NCAM2: variants seen among roughly 807,000 people sequenced by gnomAD.
NCAM2 encodes the protein N-CAM-2.
In NCAM2, 30 loss-of-function variants were observed where a neutral mutation model predicts 98.1. The ratio of observed to expected loss-of-function variants is 0.31; its 90% CI spans 0.23 to 0.41. The LOEUF (loss-of-function observed/expected upper bound fraction) is 0.41. NCAM2 is among the 10% of genes least tolerant of loss of function. The pLI, the probability that NCAM2 is intolerant of heterozygous loss-of-function variation, is 1.00. For missense variants in NCAM2, 867 were observed against 1,005.8 expected (o/e 0.86, Z 1.87); for synonymous variants, 368 against 342.4 (o/e 1.07, Z -0.83).
At chr21:21,076,127 A>T (rs2065676462) in intron 1 of NCAM2, among the ~76,000 whole-genome samples, 2 of 151,900 alleles carry the variant, frequency 1.3e-5, no homozygotes, top group Non-Finnish European at 2.9e-5. Flanking sequence ...AAAAAAAAAA[A>T]AAAGAATATG....
chr21:21,396,130 T>A lies in NCAM2; in HGVS notation c.1196-14144T>A, dbSNP rs1414152603. Among the ~76,000 whole-genome samples, 3 of 141,364 alleles carry A rather than the reference T, an allele frequency of 2.1e-5. 1 individual carries two copies. Among genetic ancestry groups the A allele is most frequent in the South Asian group, 4.7e-4 (2 of 4,238 alleles). The allele number at this position is 141,364 out of a possible 152,430, so 92.7% of individuals were successfully genotyped here. The stretch of plus-strand genomic sequence containing the variant: ...CTGTGCATCCGACAAAGGACTAATA[T>A]CAAGAATCTACAAGGAACCCAAATC... On this transcript the variant is annotated intron_variant, in intron 9 of 17. Transcript: ENST00000400546.
chr21:21,112,950 C>T (rs1018140934), intron 1 of NCAM2, among the ~76,000 whole-genome samples: 4 of 152,138 alleles, frequency 2.6e-5, no homozygotes, highest in African/African-American at 4.8e-5. Context: ...TGATGCTGAA[C>T]GTGGGGTGCA....
chr21:21,225,212 C>T (rs927156416), intron 1 of NCAM2, among the ~76,000 whole-genome samples: 2 of 152,016 alleles, frequency 1.3e-5, no homozygotes, highest in Non-Finnish European at 2.9e-5. Flanking sequence ...ACAATGAGAA[C>T]ACGTTGACAC....
intron 5 of NCAM2, among the ~76,000 whole-genome samples, chr21:21,318,151 A>T (rs2074272886): frequency 6.6e-6 from 1 of 152,178 alleles, no homozygotes; most frequent in South Asian, 2.1e-4. Flanking sequence ...AGGTTTCTTG[A>T]AATACTCTGA....
rs2075976235 is a variant in NCAM2 at position 21,373,923 on chromosome 21, G to A, written c.1105G>A (p.Asp369Asn). Residue 369 changes from aspartate (D) to asparagine (N), a missense_variant, in exon 9 of 18, where the codon GAT (aspartate) becomes AAT (asparagine). Asp to Asn is a conservative substitution (Grantham distance 23). This residue lies in a region of NCAM2 where 447 missense variants were observed against 495.7 expected (regional missense o/e 0.90). Transcript: ENST00000400546. Reference protein sequence around the residue: ...QHGSSSLHIKDVKLSDSGRYD... With the variant: ...QHGSSSLHIKNVKLSDSGRYD... ...TGGAAGCTCATCACTGCATATTAAA[G>A]ATGTGAAGTTGTCAGATTCAGGGAG... 2 of 1,611,154 alleles carry A rather than the reference G, an allele frequency of 1.2e-6. No individual in the cohort carries two copies. Among genetic ancestry groups the A allele is most frequent in the African/African-American group, 1.3e-5 (1 of 74,604 alleles).
chr21:21,229,510 A>G (rs762437868), intron 1 of NCAM2, among the ~76,000 whole-genome samples: 1 of 151,544 alleles, frequency 6.6e-6, no homozygotes. Context: ...ACATTTATTT[A>G]ATCTTCATAC....
chr21:21,153,624 A>G (rs1437847374), intron 1 of NCAM2, among the ~76,000 whole-genome samples: 1 of 151,876 alleles, frequency 6.6e-6, no homozygotes. Context: ...TTGGAATGGG[A>G]GGGAGCCACA....
chr21:21,243,610 T>C (rs894740743), intron 1 of NCAM2, among the ~76,000 whole-genome samples: 2 of 152,174 alleles, frequency 1.3e-5, no homozygotes, highest in Admixed American at 1.3e-4. Context: ...GTTGTGCCCA[T>C]GGTGGCATGC....
At chr21:21,362,139 C>A (rs1171995963) in intron 8 of NCAM2, among the ~76,000 whole-genome samples, 1 of 151,754 alleles carries the variant, frequency 6.6e-6, no homozygotes, top group Non-Finnish European at 1.5e-5. Flanking sequence ...GGATGGGTTA[C>A]AGACCAGCGT....
In NCAM2 at chr21:21,049,162, GGCGCCCGCCACC is replaced by G. The variant is rs2065057771; in HGVS notation, c.55+50552_55+50563del. Among the ~76,000 whole-genome samples the G allele has an allele frequency of 2.1e-5, 3 of 144,056 alleles. No homozygotes were observed. In the Admixed American group the frequency reaches 2.1e-4, roughly 10 times the overall value. The allele number at this position is 144,056 out of a possible 152,430, so 94.5% of individuals were successfully genotyped here. A position where few individuals can be genotyped will look rare whatever the true frequency, so the allele number is the denominator to read the frequency against. ...GCCTCCCGAGTAGGCTGGGACTACA[GGCGCCCGCCACC>G]GCGCCCGGCTAATTTTTTGTATTTT... On this transcript the variant is annotated intron_variant, in intron 1 of 17. Transcript: ENST00000400546.
At chr21:21,256,559 A>C (rs1299266729) in intron 1 of NCAM2, among the ~76,000 whole-genome samples, 1 of 152,118 alleles carries the variant, frequency 6.6e-6, no homozygotes, top group Non-Finnish European at 1.5e-5. Flanking sequence ...AGTCTTCCAC[A>C]CTCAGATTCT....
intron 9 of NCAM2, among the ~76,000 whole-genome samples, chr21:21,403,443 G>T (rs181832478): frequency 6.6e-6 from 1 of 152,130 alleles, no homozygotes; most frequent in African/African-American, 2.4e-5. Context: ...TCCCAGAGCT[G>T]CAGATGGAAA....
intron 9 of NCAM2, among the ~76,000 whole-genome samples, chr21:21,397,917 T>G (rs1185716033): frequency 6.6e-6 from 1 of 152,236 alleles, no homozygotes; most frequent in Admixed American, 6.5e-5. Flanking sequence ...GATCCACTAT[T>G]TTTCCAACAA....
chr21:21,096,801 G>A (rs2066134441), intron 1 of NCAM2, among the ~76,000 whole-genome samples: 1 of 151,432 alleles, frequency 6.6e-6, no homozygotes, highest in African/African-American at 2.4e-5. Flanking sequence ...GTCTTTATTT[G>A]CAAGTGTTTA....
intron 1 of NCAM2, among the ~76,000 whole-genome samples, chr21:21,064,273 A>G (rs1207706058): frequency 6.6e-6 from 1 of 152,178 alleles, no homozygotes; most frequent in African/African-American, 2.4e-5. Flanking sequence ...TTTAGAGTAT[A>G]ATAAAAGGAG....
At chr21:21,512,042 T>C (rs1988418740) in intron 16 of NCAM2, among the ~76,000 whole-genome samples, 1 of 152,036 alleles carries the variant, frequency 6.6e-6, no homozygotes, top group African/African-American at 2.4e-5. Flanking sequence ...TCCTATTCTG[T>C]GGGTTGTCAC....
At chr21:21,428,791 T>C (rs1039011938) in intron 11 of NCAM2, among the ~76,000 whole-genome samples, 2 of 152,220 alleles carry the variant, frequency 1.3e-5, no homozygotes, top group African/African-American at 2.4e-5. Context: ...ATGTTGATTC[T>C]AGGCACATCT....
chr21:21,285,098 T>C, intron 3 of NCAM2, among the ~76,000 whole-genome samples: 1 of 152,000 alleles, frequency 6.6e-6, no homozygotes. Context: ...TTTCCTCATA[T>C]ATAAACTGAG....
rs143409428 is a variant in NCAM2 at position 21,416,437 on chromosome 21, G to GA, written c.1384-2030dup. Among the ~76,000 whole-genome samples, 1,234 of 150,088 alleles carry GA rather than the reference G, an allele frequency of 8.2e-3. 22 individuals carry two copies. Among genetic ancestry groups the GA allele is most frequent in the African/African-American group, 0.028 (1,157 of 40,822 alleles). ...AGACAGGACATGGGCAACTGTTGTT[G>GA]AAAAAATGGTGCTGTTAGATTGCTT... On this transcript the variant is annotated intron_variant, in intron 10 of 17. Coordinates refer to ENST00000400546, the MANE Select transcript of NCAM2 (RefSeq NM_004540.5).
Sources: gnomAD v4.1 joint callset for allele counts (sites outside exome capture counted in the v4.1 genomes callset) on GRCh38, gnomAD v4.1.1 for gene constraint, gnomAD v4.1.1 regional missense constraint, MANE v1.5 for transcripts, NCBI Gene and HGNC (gene_info 2026-07-23, HGNC 2026-07-21) for gene names.